The following ENTREP2 variants were observed in gnomAD, a reference collection of about 807,000 sequenced individuals.
The protein encoded by ENTREP2 is protein ENTREP2.
chr15:29,292,444 G>A, the ENTREP2 span, among the ~76,000 whole-genome samples: 10 of 151,672 alleles, frequency 6.6e-5, no homozygotes, highest in African/African-American at 2.2e-4. Flanking sequence ...ACAATGGCAC[G>A]GTCTTAGCTC....
chr15:29,151,536 CCAA>C, the ENTREP2 span, among the ~76,000 whole-genome samples: 2 of 152,164 alleles, frequency 1.3e-5, no homozygotes, highest in South Asian at 2.1e-4. Context: ...ATATGGAGCT[CCAA>C]CAACACCTAA....
the ENTREP2 span, among the ~76,000 whole-genome samples, chr15:29,207,617 C>T: frequency 3.9e-5 from 6 of 152,092 alleles, no homozygotes; most frequent in South Asian, 2.1e-4. Flanking sequence ...TTTTACAGAG[C>T]GCTGATTGGT....
chr15:29,490,375 A>C, the ENTREP2 span, among the ~76,000 whole-genome samples: 5 of 152,190 alleles, frequency 3.3e-5, no homozygotes, highest in African/African-American at 1.2e-4. Flanking sequence ...GCGAAAGAAC[A>C]AAACCTCCAC....
the ENTREP2 span, among the ~76,000 whole-genome samples, chr15:29,224,873 C>T: frequency 1.3e-5 from 2 of 152,196 alleles, no homozygotes; most frequent in African/African-American, 4.8e-5. Flanking sequence ...GCTCCCGCAG[C>T]ACAGGAGCCC....
chr15:29,483,801 A>C, the ENTREP2 span, among the ~76,000 whole-genome samples: 7 of 152,242 alleles, frequency 4.6e-5, no homozygotes, highest in Admixed American at 1.3e-4. Flanking sequence ...CAGTTTATTC[A>C]AATCCTCAAA....
At chr15:29,129,942 C>T in the ENTREP2 span, among the ~76,000 whole-genome samples, 1 of 152,200 alleles carries the variant, frequency 6.6e-6, no homozygotes, top group Admixed American at 6.5e-5. Context: ...AAATAATGAG[C>T]TCCAGAGGAG....
At chr15:29,305,691 A>T in the ENTREP2 span, among the ~76,000 whole-genome samples, 1 of 152,196 alleles carries the variant, frequency 6.6e-6, no homozygotes, top group Non-Finnish European at 1.5e-5. Context: ...AGAAGAACAG[A>T]CTTGGGAGTG....
chr15:29,242,799 G>A, the ENTREP2 span, among the ~76,000 whole-genome samples: 538 of 152,332 alleles, frequency 3.5e-3, 4 homozygotes, highest in South Asian at 8.1e-3. Context: ...GAGCTGGGGA[G>A]CCCCTTGGAC....
chr15:29,671,597 CT>C, the ENTREP2 span, among the ~76,000 whole-genome samples: 1 of 152,188 alleles, frequency 6.6e-6, no homozygotes, highest in Non-Finnish European at 1.5e-5. Flanking sequence ...GTAAAAACAG[CT>C]CAAGCCCATT....
chr15:29,223,682 G>C, the ENTREP2 span, among the ~76,000 whole-genome samples: 1 of 152,150 alleles, frequency 6.6e-6, no homozygotes, highest in African/African-American at 2.4e-5. Flanking sequence ...GGGCCCAGTA[G>C]AACTCCTGTA....
the ENTREP2 span, among the ~76,000 whole-genome samples, chr15:29,370,973 C>T: frequency 2.6e-5 from 4 of 151,964 alleles, no homozygotes; most frequent in African/African-American, 7.3e-5. Context: ...TTATTCATGT[C>T]GCTAGTTTTC....
At chr15:29,182,776 A>C in the ENTREP2 span, among the ~76,000 whole-genome samples, 7 of 152,200 alleles carry the variant, frequency 4.6e-5, no homozygotes, top group African/African-American at 1.7e-4. Context: ...TATTAACTAC[A>C]AGACAAATAC....
At chr15:29,627,002 CTTTGT>C in the ENTREP2 span, among the ~76,000 whole-genome samples, 1 of 152,088 alleles carries the variant, frequency 6.6e-6, no homozygotes, top group African/African-American at 2.4e-5. Context: ...CTGCTCTTCT[CTTTGT>C]TATTTTTTCC....
chr15:29,352,434 T>A, the ENTREP2 span, among the ~76,000 whole-genome samples: 1 of 152,204 alleles, frequency 6.6e-6, no homozygotes, highest in East Asian at 1.9e-4. Flanking sequence ...GTTTTATTGT[T>A]TTTGACAGTT....
the ENTREP2 span, among the ~76,000 whole-genome samples, chr15:29,647,867 G>A: frequency 6.6e-6 from 1 of 152,048 alleles, no homozygotes; most frequent in Non-Finnish European, 1.5e-5. Context: ...GATTTAGGAG[G>A]TGACCTCTCC....
the ENTREP2 span, among the ~76,000 whole-genome samples, chr15:29,511,029 G>A: frequency 4.6e-5 from 7 of 152,014 alleles, no homozygotes; most frequent in African/African-American, 1.4e-4. Context: ...ATCACACACT[G>A]GGGCCTGTCG....
chr15:29,412,860 T>C, the ENTREP2 span, among the ~76,000 whole-genome samples: 3 of 152,088 alleles, frequency 2.0e-5, no homozygotes, highest in African/African-American at 4.8e-5. Flanking sequence ...TTCATTCTTC[T>C]TTTTCTAAGT....
the ENTREP2 span, among the ~76,000 whole-genome samples, chr15:29,495,647 C>T: frequency 6.6e-6 from 1 of 152,080 alleles, no homozygotes; most frequent in East Asian, 1.9e-4. Flanking sequence ...TTTCCTAACA[C>T]CATTAATTGA....
the ENTREP2 span, among the ~76,000 whole-genome samples, chr15:29,330,313 G>A: frequency 6.6e-6 from 1 of 152,006 alleles, no homozygotes; most frequent in African/African-American, 2.4e-5. Context: ...GCCAGGAGTG[G>A]TGGCATGAGC....
Sources: allele counts gnomAD v4.1 joint callset (sites outside exome capture counted in the v4.1 genomes callset), GRCh38; gene constraint gnomAD v4.1.1; transcripts MANE v1.5; gene names NCBI Gene and HGNC (gene_info 2026-07-23, HGNC 2026-07-21).